Variants in MEGF10 observed in about 807,000 individuals in gnomAD.
MEGF10 encodes the protein multiple epidermal growth factor-like domains protein 10.
Under a neutral mutation model 147.5 loss-of-function variants are expected in MEGF10, and 86 were observed. The observed-to-expected ratio is 0.58, with a 90% CI of 0.49 to 0.70. The LOEUF (loss-of-function observed/expected upper bound fraction) is 0.70. MEGF10 is among the 30% of genes least tolerant of loss of function. The pLI is 0.00. For synonymous variants in MEGF10, 478 were observed against 525.5 expected, an observed-to-expected ratio of 0.91 and a Z score of 1.24; for missense variants, 1,329 against 1,487.3, an observed-to-expected ratio of 0.89 and a Z score of 1.75.
chr5:127,419,877 G>A (rs947859854), intron 11 of MEGF10, among the ~76,000 whole-genome samples, 167 bp from the exon 12 acceptor site: 1 of 152,156 alleles, frequency 6.6e-6, no homozygotes. Flanking sequence ...GGTGCCTTCT[G>A]TTCATTTCTG....
chr5:127,295,683 A>C (rs527567772), intron 1 of MEGF10, among the ~76,000 whole-genome samples: 1 of 152,334 alleles, frequency 6.6e-6, no homozygotes, highest in Admixed American at 6.5e-5. Context: ...GAGTGTCATC[A>C]TGACACAGGG....
chr5:127,422,527 A>T (rs950849712), intron 12 of MEGF10, 143 bp from the exon 13 acceptor site: 9 of 624,584 alleles, frequency 1.4e-5, no homozygotes, highest in South Asian at 2.1e-5. Flanking sequence ...AAAAAAGAAA[A>T]AAATAAATAA....
At chr5:127,246,908 TAATAG>T in the MEGF10 span, among the ~76,000 whole-genome samples, 10 of 143,318 alleles carry the variant, frequency 7.0e-5, no homozygotes, top group Non-Finnish European at 3.0e-5. Flanking sequence ...ATATACTATA[TAATAG>T]TATATATTAT....
At chr5:127,241,524 G>A in the MEGF10 span, among the ~76,000 whole-genome samples, 133 of 152,230 alleles carry the variant, frequency 8.7e-4, no homozygotes, top group East Asian at 0.021. Flanking sequence ...CAATTTATGT[G>A]ATATGATTTT....
chr5:127,367,479 A>G (rs893426691), intron 4 of MEGF10, among the ~76,000 whole-genome samples: 2 of 152,186 alleles, frequency 1.3e-5, no homozygotes, highest in Non-Finnish European at 2.9e-5. Flanking sequence ...ATTAATATAA[A>G]TTTACCATAT....
chr5:127,299,122 T>C (rs1354254278), intron 1 of MEGF10, among the ~76,000 whole-genome samples: 2 of 152,218 alleles, frequency 1.3e-5, no homozygotes. Flanking sequence ...GTCACACTGA[T>C]TGCAGGACTT....
At chr5:127,337,178 G>C (rs897288462) in intron 2 of MEGF10, among the ~76,000 whole-genome samples, 2 of 152,072 alleles carry the variant, frequency 1.3e-5, no homozygotes, top group Non-Finnish European at 2.9e-5. Flanking sequence ...AGTAAGGTTC[G>C]ACATTTTCCA....
intron 1 of MEGF10, among the ~76,000 whole-genome samples, chr5:127,330,385 T>C (rs1299792044): frequency 6.6e-6 from 1 of 152,074 alleles, no homozygotes; most frequent in East Asian, 1.9e-4. Context: ...TCACCCTCTG[T>C]CTCTTTCTCC....
intron 4 of MEGF10, among the ~76,000 whole-genome samples, chr5:127,363,347 G>C (rs1290006661): frequency 6.6e-6 from 1 of 152,066 alleles, no homozygotes; most frequent in Non-Finnish European, 1.5e-5. Flanking sequence ...TCTGGAAGTG[G>C]GTGGTTTATG....
At chr5:127,426,624 T>C (rs1765217892) in intron 13 of MEGF10, among the ~76,000 whole-genome samples, 1 of 152,202 alleles carries the variant, frequency 6.6e-6, no homozygotes, top group Non-Finnish European at 1.5e-5. Flanking sequence ...CTTTTCAAAA[T>C]GATTATACTG....
At chr5:127,411,352 A>G (rs543948996) in intron 9 of MEGF10, among the ~76,000 whole-genome samples, 1 of 152,338 alleles carries the variant, frequency 6.6e-6, no homozygotes, top group Admixed American at 6.5e-5. Context: ...ACAAAAATGT[A>G]GTGCGTTATA....
chr5:127,404,346 T>TTA (rs61692684), intron 8 of MEGF10, among the ~76,000 whole-genome samples: 28,161 of 151,906 alleles, frequency 0.19, 2,900 homozygotes, highest in African/African-American at 0.28. Context: ...TTTGAGCTCC[T>TTA]TATATATGCT....
At chr5:127,349,192 GA>G (rs1370799847) in intron 4 of MEGF10, among the ~76,000 whole-genome samples, 1 of 152,028 alleles carries the variant, frequency 6.6e-6, no homozygotes, top group Non-Finnish European at 1.5e-5. Context: ...TATAGATTTT[GA>G]TTCTCTCTCA....
intron 23 of MEGF10, 42 bp downstream of exon 23, chr5:127,454,652 A>AT: frequency 9.6e-6 from 15 of 1,554,972 alleles, no homozygotes; most frequent in South Asian, 2.4e-5. Context: ...GCACAATTAA[A>AT]TTTTTTTTAA....
intron 1 of MEGF10, among the ~76,000 whole-genome samples, chr5:127,307,839 AC>A (rs1477373760): frequency 6.6e-6 from 1 of 152,034 alleles, no homozygotes; most frequent in Non-Finnish European, 1.5e-5. Flanking sequence ...TTGCCAAGAG[AC>A]CCTGATGGCA....
intron 4 of MEGF10, among the ~76,000 whole-genome samples, chr5:127,346,925 A>G (rs1248426861): frequency 6.6e-6 from 1 of 152,036 alleles, no homozygotes; most frequent in African/African-American, 2.4e-5. Flanking sequence ...CATGAAATTA[A>G]TTTATATTTT....
At chr5:127,282,012 A>G in the MEGF10 span, among the ~76,000 whole-genome samples, 7 of 152,190 alleles carry the variant, frequency 4.6e-5, no homozygotes, top group Middle Eastern at 3.2e-3. Context: ...GCTGCCTACT[A>G]TCTCTTTCCA....
At chr5:127,451,824 A>G (rs1173796931) in intron 22 of MEGF10, among the ~76,000 whole-genome samples, 1 of 152,190 alleles carries the variant, frequency 6.6e-6, no homozygotes, top group Non-Finnish European at 1.5e-5. Flanking sequence ...TGTTGCACAG[A>G]AAAAGTTCTT....
chr5:127,371,458 A>G (rs997838796), intron 5 of MEGF10, among the ~76,000 whole-genome samples: 3 of 152,158 alleles, frequency 2.0e-5, no homozygotes, highest in African/African-American at 7.2e-5. Flanking sequence ...CAGTTTAAAA[A>G]TCAGTTGTGC....
Sources: allele counts gnomAD v4.1 joint callset (sites outside exome capture counted in the v4.1 genomes callset), GRCh38; gene constraint gnomAD v4.1.1; transcripts MANE v1.5; gene names NCBI Gene and HGNC (gene_info 2026-07-23, HGNC 2026-07-21).